DYNC2I1: variants seen among roughly 807,000 people sequenced by gnomAD.
The protein encoded by DYNC2I1 is dynein 2 intermediate chain 1.
DYNC2I1 carries 89 observed loss-of-function variants against 133.4 expected under a neutral mutation model. The observed-to-expected ratio is 0.67, with a 90% CI of 0.56 to 0.80. DYNC2I1 has a LOEUF of 0.80. Ranked by LOEUF, DYNC2I1 falls within the 30% of genes least tolerant of loss-of-function variation. DYNC2I1 has a pLI of 0.00. For missense variants in DYNC2I1, 1,291 were observed against 1,314.5 expected (o/e 0.98, Z 0.28); for synonymous variants, 504 against 484.3 (o/e 1.04, Z -0.54).
intron 23 of DYNC2I1, among the ~76,000 whole-genome samples, chr7:158,938,950 C>T (rs1328755081): frequency 6.6e-6 from 1 of 151,990 alleles, no homozygotes; most frequent in Non-Finnish European, 1.5e-5. Flanking sequence ...CCAAAAAGAC[C>T]TATTAAAAAC....
At chr7:158,859,831 T>G (rs781503349) in intron 1 of DYNC2I1, among the ~76,000 whole-genome samples, 2 of 152,194 alleles carry the variant, frequency 1.3e-5, no homozygotes, top group African/African-American at 2.4e-5. Context: ...ATCTCAGAGC[T>G]GGATATTTCC....
chr7:158,926,194 C>G lies in DYNC2I1; in HGVS notation c.2265C>G (p.Ile755Met). ...FRTATFSTDG[I>M]LTSVNHRSPL... ...TGGGCTTTTGAACTCCAGATGGAATCCTTACCTCAGTAAACCACCGAAGCC... is the reference window on the plus strand; with the variant it reads ...TGGGCTTTTGAACTCCAGATGGAATGCTTACCTCAGTAAACCACCGAAGCC... The change falls in exon 18 of 25, where the codon ATC becomes ATG. Residue 755 changes from isoleucine to methionine, a missense_variant. Transcript: ENST00000407559. The G allele has an allele frequency of 6.2e-7, 1 of 1,612,570 alleles. No individual in the cohort carries two copies. The highest frequency in any genetic ancestry group is 8.5e-7 in the Non-Finnish European group (1 of 1,179,284).
intron 5 of DYNC2I1, among the ~76,000 whole-genome samples, chr7:158,882,047 C>T (rs999055408): frequency 5.1e-4 from 78 of 152,240 alleles, no homozygotes; most frequent in African/African-American, 1.6e-3. Context: ...GAAAAATGGT[C>T]GATGAAGAAC....
chr7:158,918,657 A>C, intron 14 of DYNC2I1, 83 bp from the exon 15 acceptor site: 2 of 1,530,740 alleles, frequency 1.3e-6, no homozygotes, highest in East Asian at 4.5e-5. Flanking sequence ...GCAGATATGG[A>C]TAAGATGAAA....
chr7:158,926,012 TTG>T (rs1390661233), intron 17 of DYNC2I1, among the ~76,000 whole-genome samples, 173 bp from the exon 18 acceptor site: 1 of 152,152 alleles, frequency 6.6e-6, no homozygotes, highest in Non-Finnish European at 1.5e-5. Flanking sequence ...CCTGTGTCAG[TTG>T]TGTGTGTCAG....
chr7:158,871,116 G>A, intron 2 of DYNC2I1, 26 bp from the exon 3 acceptor site: 1 of 1,591,270 alleles, frequency 6.3e-7, no homozygotes, highest in Non-Finnish European at 8.5e-7. Context: ...CCTGGTCACG[G>A]AGGACCCTTT....
chr7:158,924,304 C>T (rs1849394537), intron 17 of DYNC2I1, among the ~76,000 whole-genome samples: 1 of 152,248 alleles, frequency 6.6e-6, no homozygotes, highest in Non-Finnish European at 1.5e-5. Flanking sequence ...TCCAAGGTCA[C>T]GCTGACGACA....
At chr7:158,950,076 G>A (rs572853787), downstream of DYNC2I1, among the ~76,000 whole-genome samples, 25 of 151,392 alleles carry the variant, frequency 1.7e-4, no homozygotes, top group African/African-American at 2.9e-4. Flanking sequence ...CAGCCAAGTC[G>A]AGCGTTTTTA....
chr7:158,857,542 T>G (rs1052798236), intron 1 of DYNC2I1, among the ~76,000 whole-genome samples: 16 of 146,822 alleles, frequency 1.1e-4, no homozygotes, highest in Non-Finnish European at 1.7e-4. Flanking sequence ...AGGTTTTTGT[T>G]TTTTTTTTTT....
chr7:158,918,684 GA>G (rs1373173331), intron 14 of DYNC2I1, 55 bp from the exon 15 acceptor site: 1 of 1,581,800 alleles, frequency 6.3e-7, no homozygotes, highest in Non-Finnish European at 8.6e-7. Flanking sequence ...TTTTTTTTTG[GA>G]AAAGATAATC....
At chr7:158,928,946 G>C (rs1352409928) in intron 20 of DYNC2I1, among the ~76,000 whole-genome samples, 1 of 152,216 alleles carries the variant, frequency 6.6e-6, no homozygotes, top group Non-Finnish European at 1.5e-5. Flanking sequence ...TCTGTCCATA[G>C]TCAGGTGATA....
rs1296823596 is a variant in DYNC2I1 at position 158,902,439 on chromosome 7, T to G, written c.1201T>G (p.Ser401Ala). 3.1e-6 allele frequency: 5 copies of G among 1,613,654 alleles called. No homozygotes were observed. The highest frequency in any genetic ancestry group is 1.7e-5 in the Admixed American group (1 of 59,996). The change falls in exon 10 of 25, where the codon TCA becomes GCA. Residue 401 changes from serine to alanine, a missense_variant. Physicochemically the swap from Ser to Ala is moderately conservative, Grantham distance 99. Coordinates refer to ENST00000407559, the MANE Select transcript of DYNC2I1 (RefSeq NM_018051.5). The stretch of plus-strand genomic sequence containing the variant: ...TGATGAAAGCAGTAATGAACCTGAG[T>G]CAAGAGAAAAACTGGAAGAACTTCC... Reference protein sequence around the residue: ...DDDESSNEPESREKLEELPLA... With the variant: ...DDDESSNEPEAREKLEELPLA...
the DYNC2I1 span, among the ~76,000 whole-genome samples, chr7:158,850,637 A>G: frequency 6.6e-6 from 1 of 152,226 alleles, no homozygotes; most frequent in African/African-American, 2.4e-5. Context: ...CCTCCACTTC[A>G]TAGCCCTCTG....
At chr7:158,870,639 C>T (rs959052646) in intron 2 of DYNC2I1, among the ~76,000 whole-genome samples, 7 of 152,146 alleles carry the variant, frequency 4.6e-5, no homozygotes, top group Non-Finnish European at 7.3e-5. Flanking sequence ...TCCCAAAGTG[C>T]TGGGATAATA....
chr7:158,905,140 C>CTT (rs77389434), intron 10 of DYNC2I1: 4,978 of 334,222 alleles, frequency 0.015, 51 homozygotes, highest in African/African-American at 0.038. Context: ...CTTTCTTTTT[C>CTT]TTTTTTTTTT....
chr7:158,860,619 A>G (rs1397225631), intron 1 of DYNC2I1, among the ~76,000 whole-genome samples: 5 of 152,194 alleles, frequency 3.3e-5, no homozygotes, highest in African/African-American at 1.2e-4. Context: ...TACAATGTGT[A>G]TGACTATTAA....
At chr7:158,869,378 G>C (rs147047036) in intron 1 of DYNC2I1, 19 of 453,874 alleles carry the variant, frequency 4.2e-5, no homozygotes, top group Non-Finnish European at 8.2e-5. Flanking sequence ...CAGCCCAGGA[G>C]GACCAGGCAG....
chr7:158,918,656 G>A (rs1848717649), intron 14 of DYNC2I1, 84 bp from the exon 15 acceptor site: 1 of 1,524,832 alleles, frequency 6.6e-7, no homozygotes, highest in Non-Finnish European at 9.0e-7. Flanking sequence ...TGCAGATATG[G>A]ATAAGATGAA....
intron 2 of DYNC2I1, among the ~76,000 whole-genome samples, chr7:158,870,780 T>TCCTGACACCCGAATAGTACCTGTC (rs1180675493): frequency 1.3e-5 from 2 of 152,144 alleles, no homozygotes; most frequent in African/African-American, 4.8e-5. Flanking sequence ...CCGTTAGTGC[T>TCCTGACACCCGAATAGTACCTGTC]CCTGACACCC....
Sources: allele counts gnomAD v4.1 joint callset (sites outside exome capture counted in the v4.1 genomes callset), GRCh38; gene constraint gnomAD v4.1.1; transcripts MANE v1.5; gene names NCBI Gene and HGNC (gene_info 2026-07-23, HGNC 2026-07-21).